RABGAP1L: variants seen among roughly 807,000 people sequenced by gnomAD.
RABGAP1L encodes the protein rab GTPase-activating protein 1-like.
RABGAP1L carries 63 observed loss-of-function variants against 137.7 expected under a neutral mutation model. The observed-to-expected ratio is 0.46, with a 90% CI of 0.37 to 0.56. RABGAP1L has a LOEUF of 0.56. RABGAP1L is among the 20% of genes least tolerant of loss of function. The pLI is 0.00. For missense variants in RABGAP1L, 1,095 were observed against 1,244.0 expected (o/e 0.88, Z 1.80); for synonymous variants, 431 against 433.7 (o/e 0.99, Z 0.08).
intron 19 of RABGAP1L, among the ~76,000 whole-genome samples, chr1:174,812,251 A>C (rs1689944517): frequency 6.6e-6 from 1 of 152,222 alleles, no homozygotes; most frequent in African/African-American, 2.4e-5. Context: ...CCATGGAAGC[A>C]GACTTAGTAT....
chr1:174,229,874 G>A (rs1033291171), intron 3 of RABGAP1L, among the ~76,000 whole-genome samples: 1 of 152,276 alleles, frequency 6.6e-6, no homozygotes, highest in East Asian at 1.9e-4. Context: ...CTAGTTTACA[G>A]TCCCGCCAAC....
At chr1:174,244,089 C>G (rs1672053444) in intron 5 of RABGAP1L, among the ~76,000 whole-genome samples, 1 of 152,132 alleles carries the variant, frequency 6.6e-6, no homozygotes, top group African/African-American at 2.4e-5. Flanking sequence ...CTGAAGTCTT[C>G]TAGTTACATT....
chr1:174,730,695 C>A (rs950453518), intron 17 of RABGAP1L, among the ~76,000 whole-genome samples: 6 of 152,140 alleles, frequency 3.9e-5, no homozygotes, highest in African/African-American at 1.4e-4. Flanking sequence ...CCACAGTATT[C>A]TCTGAGAAGG....
intron 15 of RABGAP1L, 139 bp from the exon 16 acceptor site, chr1:174,699,386 C>G (rs1387836911): frequency 3.2e-5 from 19 of 598,686 alleles, no homozygotes; most frequent in Middle Eastern, 4.1e-4. Flanking sequence ...GTCACTCTGC[C>G]AAAGACTGGC....
At chr1:174,188,862 G>A (rs1558015310) in intron 1 of RABGAP1L, among the ~76,000 whole-genome samples, 3 of 152,120 alleles carry the variant, frequency 2.0e-5, no homozygotes, top group East Asian at 1.9e-4. Context: ...TTTAAGGGCC[G>A]TATGATTTTT....
At chr1:174,285,519 C>T (rs533288820) in intron 10 of RABGAP1L, among the ~76,000 whole-genome samples, 44 of 144,098 alleles carry the variant, frequency 3.1e-4, no homozygotes, top group Middle Eastern at 7.5e-3. Context: ...TTGTTCTAAC[C>T]GTTTTTTTTT....
chr1:174,983,470 C>T (rs1250094670), intron 24 of RABGAP1L, among the ~76,000 whole-genome samples: 1 of 152,046 alleles, frequency 6.6e-6, no homozygotes, highest in African/African-American at 2.4e-5. Context: ...TTGCTTATTC[C>T]ATAGAAACAA....
intron 13 of RABGAP1L, among the ~76,000 whole-genome samples, chr1:174,550,917 C>CACACACACACACATAT (rs1374389910): frequency 1.5e-4 from 14 of 96,422 alleles, no homozygotes; most frequent in African/African-American, 7.7e-4. Context: ...TATACACACA[C>CACACACACACACATAT]ACACATATAT....
Position 174,629,682 on chromosome 1 carries a change from C to T in RABGAP1L, c.1711-7693C>T, listed in dbSNP as rs148825135. On this transcript the variant is annotated intron_variant, in intron 13 of 25. Transcript: ENST00000681986. ...GGATTACAGGCATGTGCTACCATGC[C>T]GGGCTAATTTTTTGTATTTTTTAGT... Among the ~76,000 whole-genome samples the T allele has an allele frequency of 5.9e-4, 90 of 152,154 alleles. 1 individual carries two copies. Among genetic ancestry groups the T allele is most frequent in the East Asian group, 9.6e-4 (5 of 5,182 alleles).
intron 19 of RABGAP1L, among the ~76,000 whole-genome samples, chr1:174,817,301 G>C (rs1002669725): frequency 5.3e-5 from 8 of 152,176 alleles, no homozygotes; most frequent in African/African-American, 1.9e-4. Context: ...GTTATTTATT[G>C]AGTGCCTGTT....
intron 12 of RABGAP1L, among the ~76,000 whole-genome samples, chr1:174,375,875 G>A (rs1311680516): frequency 2.0e-5 from 3 of 152,044 alleles, no homozygotes; most frequent in Non-Finnish European, 4.4e-5. Flanking sequence ...GACCAGCCTA[G>A]CCAACATAAT....
At chr1:174,987,662 C>T (rs999618076) in intron 24 of RABGAP1L, among the ~76,000 whole-genome samples, 2 of 152,094 alleles carry the variant, frequency 1.3e-5, no homozygotes, top group Non-Finnish European at 2.9e-5. Flanking sequence ...AGTAGGGCAT[C>T]AAAGTAGAAA....
intron 13 of RABGAP1L, among the ~76,000 whole-genome samples, chr1:174,599,800 G>A (rs1670275514): frequency 6.6e-6 from 1 of 152,088 alleles, no homozygotes; most frequent in Non-Finnish European, 1.5e-5. Context: ...ATGCCCTGAG[G>A]TAGTCTTCTT....
intron 18 of RABGAP1L, among the ~76,000 whole-genome samples, chr1:174,759,283 T>TAAA (rs59159307): frequency 5.4e-5 from 7 of 130,664 alleles, no homozygotes; most frequent in East Asian, 4.4e-4. Flanking sequence ...GTAATTTATT[T>TAAA]AAAAAAAAAA....
At chr1:174,460,970 A>G (rs973232094) in intron 13 of RABGAP1L, among the ~76,000 whole-genome samples, 5 of 152,058 alleles carry the variant, frequency 3.3e-5, no homozygotes, top group African/African-American at 1.2e-4. Flanking sequence ...AGCTCAGATA[A>G]TCTTCTCACT....
chr1:174,454,155 C>A (rs1391286313), intron 13 of RABGAP1L, among the ~76,000 whole-genome samples: 1 of 151,784 alleles, frequency 6.6e-6, no homozygotes, highest in Non-Finnish European at 1.5e-5. Context: ...CCCAGCCACT[C>A]GGGAGGCTGA....
At chr1:174,578,860 A>G (rs114022096) in intron 13 of RABGAP1L, among the ~76,000 whole-genome samples, 7,349 of 152,282 alleles carry the variant, frequency 0.048, 199 homozygotes, top group Middle Eastern at 0.065. Context: ...TTATAAGAAC[A>G]TAGAGAAGAT....
chr1:174,386,331 A>G, intron 12 of RABGAP1L, among the ~76,000 whole-genome samples: 1 of 152,138 alleles, frequency 6.6e-6, no homozygotes. Flanking sequence ...TAGCTAGTGT[A>G]AAAATACAGA....
chr1:174,316,444 G>T (rs1262353696), intron 11 of RABGAP1L, among the ~76,000 whole-genome samples: 1 of 152,046 alleles, frequency 6.6e-6, no homozygotes, highest in Admixed American at 6.6e-5. Flanking sequence ...TCTACTTTAG[G>T]GGCAAGCTCC....
Sources: allele counts gnomAD v4.1 joint callset (sites outside exome capture counted in the v4.1 genomes callset), GRCh38; gene constraint gnomAD v4.1.1; transcripts MANE v1.5; gene names NCBI Gene and HGNC (gene_info 2026-07-23, HGNC 2026-07-21).